Variants in SPAG17 observed in about 807,000 individuals in gnomAD.
SPAG17 encodes sperm-associated antigen 17.
A neutral mutation model predicts 273.6 loss-of-function variants in SPAG17; 169 were observed. The ratio of observed to expected loss-of-function variants is 0.62; its 90% CI spans 0.55 to 0.70. The LOEUF (loss-of-function observed/expected upper bound fraction) is 0.70, where lower values mean the gene tolerates loss of function less well. Ranked by LOEUF, SPAG17 falls within the 30% of genes least tolerant of loss-of-function variation. The pLI is 0.00. For synonymous variants in SPAG17, 825 were observed against 873.2 expected, an observed-to-expected ratio of 0.94 and a Z score of 0.97; for missense variants, 2,557 against 2,627.8, an observed-to-expected ratio of 0.97 and a Z score of 0.59.
At chr1:118,070,818 A>G (rs772172356) in intron 17 of SPAG17, among the ~76,000 whole-genome samples, 1 of 152,226 alleles carries the variant, frequency 6.6e-6, no homozygotes, top group Non-Finnish European at 1.5e-5. Context: ...TAGCACTTAT[A>G]TAGTGTATAG....
At chr1:118,059,555 T>C (rs1297868162) in intron 18 of SPAG17, among the ~76,000 whole-genome samples, 2 of 152,086 alleles carry the variant, frequency 1.3e-5, no homozygotes, top group Non-Finnish European at 2.9e-5. Flanking sequence ...TATTACTGTT[T>C]ACTCCTCCTT....
intron 4 of SPAG17, 90 bp downstream of exon 4, chr1:118,115,218 GCT>G: frequency 6.9e-7 from 1 of 1,458,770 alleles, no homozygotes; most frequent in Non-Finnish European, 9.4e-7. Context: ...TTAATGGTAG[GCT>G]TAAGAAGAGA....
At chr1:118,111,264 T>TG (rs1656737890) in intron 4 of SPAG17, among the ~76,000 whole-genome samples, 2 of 152,028 alleles carry the variant, frequency 1.3e-5, no homozygotes, top group African/African-American at 2.4e-5. Flanking sequence ...ATAAGCCATC[T>TG]GGGGGGGTCA....
In SPAG17 at chr1:118,101,758, G is replaced by A. The variant is rs1656080531; in HGVS notation, c.616C>T (p.His206Tyr). ...TACTGACCAATGTAACGATTGGTGTGGTCGTCTTCTCCTCTCCGCTTTAAC... is the reference window on the plus strand; with the variant it reads ...TACTGACCAATGTAACGATTGGTGTAGTCGTCTTCTCCTCTCCGCTTTAAC... ...TQLKRRGEDD[H>Y]TNRYIDDEPD... Residue 206 changes from histidine to tyrosine, a missense_variant, in exon 5 of 49, where the codon CAC becomes TAC. By Grantham distance (83) the His-to-Tyr change is moderately conservative (BLOSUM62 2). Coordinates refer to ENST00000336338, the MANE Select transcript of SPAG17 (RefSeq NM_206996.4). 1 of 1,613,448 alleles carries A rather than the reference G, an allele frequency of 6.2e-7. No individual in the cohort carries two copies. Among genetic ancestry groups the A allele is most frequent in the African/African-American group, 1.3e-5 (1 of 74,834 alleles).
chr1:118,028,466 C>A (rs17037839), intron 25 of SPAG17, 72 bp from the exon 26 acceptor site: 108,870 of 1,573,934 alleles, frequency 0.069, 5,593 homozygotes, highest in East Asian at 0.29. Flanking sequence ...TTGACTAAGC[C>A]AGGATATGCT....
intron 43 of SPAG17, among the ~76,000 whole-genome samples, chr1:117,975,596 C>A (rs567165423): frequency 1.4e-4 from 22 of 152,288 alleles, no homozygotes; most frequent in East Asian, 3.9e-4. Context: ...TTTTACTACT[C>A]CGGGTGTCCC....
intron 3 of SPAG17, among the ~76,000 whole-genome samples, chr1:118,132,760 C>T (rs1212012574): frequency 2.7e-5 from 4 of 150,680 alleles, no homozygotes; most frequent in Admixed American, 1.3e-4. Flanking sequence ...ATAGGCAAAG[C>T]GTGAACATTT....
In SPAG17 at chr1:118,016,016, T is replaced by C. The variant is rs755396455; in HGVS notation, c.4236A>G (p.Ala1412=). Residue 1412 remains alanine (A), a synonymous_variant, in exon 29 of 49, where the codon GCA becomes GCG. Coordinates refer to ENST00000336338, the MANE Select transcript of SPAG17 (RefSeq NM_206996.4). ...GAAAGGATAACAATGGGGTCAAGTC[T>C]GCTATTCTTTCTAATCCTTTGGTGC... is the stretch of plus-strand genomic sequence containing the variant. ...RIGTKGLERI[A]DLTPLLSFQA... is the part of the protein sequence containing the mutation. The C allele has an allele frequency of 2.5e-6, 4 of 1,614,088 alleles. No individual in the cohort carries two copies. The highest frequency in any genetic ancestry group is 1.7e-5 in the Admixed American group (1 of 60,006).
intron 15 of SPAG17, among the ~76,000 whole-genome samples, chr1:118,077,832 G>T (rs533675305): frequency 6.6e-6 from 1 of 152,142 alleles, no homozygotes; most frequent in East Asian, 1.9e-4. Context: ...CTAGGAGCAT[G>T]GCTAAATCAT....
chr1:118,006,031 C>T (rs1226924687), intron 31 of SPAG17, among the ~76,000 whole-genome samples: 2 of 152,134 alleles, frequency 1.3e-5, no homozygotes, highest in Admixed American at 6.5e-5. Context: ...CTCATCTCTC[C>T]TCTCTCTGGT....
At position 117,984,664 on chromosome 1, in the gene SPAG17, G is replaced by T; in HGVS notation, c.5769+19C>A. On this transcript the variant is annotated intron_variant, in intron 41 of 48. Transcript: ENST00000336338. ...TTATAAAAACTTTTATTAGATTATAGTTCATTATATTCAATTACCTGAGAC... is the reference window on the plus strand; with the variant it reads ...TTATAAAAACTTTTATTAGATTATATTTCATTATATTCAATTACCTGAGAC... 1.4e-6 allele frequency: 2 copies of T among 1,449,652 alleles called. No individual in the cohort carries two copies. Among genetic ancestry groups the T allele is most frequent in the Non-Finnish European group, 1.9e-6 (2 of 1,041,148 alleles). The allele number at this position is 1,449,652 out of a possible 1,614,324, so 89.8% of individuals were successfully genotyped here. A position where few individuals can be genotyped will look rare whatever the true frequency, so the allele number is the denominator to read the frequency against.
At chr1:117,959,668 T>C (rs1652763401) in intron 48 of SPAG17, 2 of 389,462 alleles carry the variant, frequency 5.1e-6, no homozygotes, top group Middle Eastern at 6.9e-4. Context: ...AGTTTAAAAA[T>C]CTTTCTGTGC....
At chr1:118,071,033 T>C (rs941731205) in intron 17 of SPAG17, among the ~76,000 whole-genome samples, 1 of 151,800 alleles carries the variant, frequency 6.6e-6, no homozygotes, top group African/African-American at 2.4e-5. Context: ...TTTTTTTTCA[T>C]GGAGAATTTA....
chr1:117,984,369 C>T (rs1008728392), intron 41 of SPAG17, among the ~76,000 whole-genome samples: 2 of 152,112 alleles, frequency 1.3e-5, no homozygotes, highest in African/African-American at 4.8e-5. Context: ...AGAGGACAAT[C>T]AATGATAGGA....
intron 1 of SPAG17, among the ~76,000 whole-genome samples, chr1:118,152,979 A>T (rs1426549017): frequency 6.6e-6 from 1 of 152,128 alleles, no homozygotes; most frequent in African/African-American, 2.4e-5. Flanking sequence ...ACCTTCCAAA[A>T]CTGAAGATTT....
At chr1:118,026,226 T>A (rs1448054314) in intron 26 of SPAG17, among the ~76,000 whole-genome samples, 1 of 152,216 alleles carries the variant, frequency 6.6e-6, no homozygotes, top group Non-Finnish European at 1.5e-5. Context: ...CAGATTTATC[T>A]AGCATTTTGC....
At chr1:118,174,879 A>G (rs1660612360) in intron 1 of SPAG17, among the ~76,000 whole-genome samples, 1 of 152,220 alleles carries the variant, frequency 6.6e-6, no homozygotes, top group South Asian at 2.1e-4. Context: ...TGTGCTTCAA[A>G]AATGAAGAAG....
At chr1:118,111,413 C>G (rs973659613) in intron 4 of SPAG17, among the ~76,000 whole-genome samples, 1 of 152,130 alleles carries the variant, frequency 6.6e-6, no homozygotes, top group African/African-American at 2.4e-5. Flanking sequence ...CCTGAAACCA[C>G]ACGGGTCCTT....
intron 43 of SPAG17, among the ~76,000 whole-genome samples, chr1:117,977,714 G>C (rs767595814): frequency 1.3e-5 from 2 of 152,066 alleles, no homozygotes; most frequent in African/African-American, 4.8e-5. Flanking sequence ...TCGGTATCTG[G>C]GGGTGCAGTA....
Sources: allele counts gnomAD v4.1 joint callset (sites outside exome capture counted in the v4.1 genomes callset), GRCh38; gene constraint gnomAD v4.1.1; transcripts MANE v1.5; gene names NCBI Gene and HGNC (gene_info 2026-07-23, HGNC 2026-07-21).